Variants in TNFRSF17 observed in about 807,000 individuals in gnomAD.
TNFRSF17 encodes the protein tumor necrosis factor receptor superfamily member 17.
In TNFRSF17, 13 loss-of-function variants were observed where a neutral mutation model predicts 9.9. The ratio of observed to expected loss-of-function variants is 1.31; its 90% CI spans 0.85 to 2.08. The LOEUF (loss-of-function observed/expected upper bound fraction) is 2.08. Among genes scored for constraint, TNFRSF17 ranks in the 30% most tolerant of loss-of-function variants. The pLI is 0.00. For synonymous variants in TNFRSF17, 99 were observed against 83.7 expected (o/e 1.18, Z -1.00); for missense variants, 305 against 225.8 (o/e 1.35, Z -2.25).
intron 1 of TNFRSF17, 27 bp from the exon 2 acceptor site, chr16:11,966,168 T>C (rs962651332): frequency 1.0e-5 from 16 of 1,590,776 alleles, no homozygotes; most frequent in African/African-American, 1.3e-5. Context: ...ATCAGCTCAT[T>C]ATCTGTCTGA....
Position 11,967,277 on chromosome 16 carries a change from C to T in TNFRSF17, c.278-293C>T, listed in dbSNP as rs11570156. 5.8e-3 allele frequency: 1,948 copies of T among 334,452 alleles called. 47 individuals are homozygous for T. Among genetic ancestry groups the T allele is most frequent in the African/African-American group, 0.038 (1,799 of 47,238 alleles). 20.7% of individuals were successfully genotyped at this position (334,452 alleles called of 1,614,324 possible). A position where few individuals can be genotyped will look rare whatever the true frequency, so the allele number is the denominator to read the frequency against. Reference sequence around the variant, plus strand: ...TCAGCTTCCCAAAGTGCTGGGATTACAGGCGTGAGCCACAGGGCCCAGCAC... The same window carrying T: ...TCAGCTTCCCAAAGTGCTGGGATTATAGGCGTGAGCCACAGGGCCCAGCAC... On this transcript the variant is annotated intron_variant, in intron 2 of 2. Transcript: ENST00000053243.
intron 2 of TNFRSF17, among the ~76,000 whole-genome samples, 191 bp from the exon 3 acceptor site, chr16:11,967,379 G>A (rs951515192): frequency 6.6e-6 from 1 of 152,172 alleles, no homozygotes; most frequent in Non-Finnish European, 1.5e-5. Context: ...CGACTGCTCT[G>A]TAGGCTAACG....
chr16:11,966,166 A>G (rs11570144), intron 1 of TNFRSF17, 29 bp from the exon 2 acceptor site: 19,235 of 1,585,808 alleles, frequency 0.012, 162 homozygotes, highest in Non-Finnish European at 0.015. Flanking sequence ...TTATCAGCTC[A>G]TTATCTGTCT....
Position 11,965,357 on chromosome 16 carries a change from T to C in TNFRSF17, c.33T>C (p.Asn11=), listed in dbSNP as rs138231933. 62 of 1,614,248 alleles carry C rather than the reference T, an allele frequency of 3.8e-5. No homozygotes were observed. The African/African-American group carries it at 6.7e-4, about 17-fold the overall frequency. Residue 11 remains asparagine (N), a synonymous_variant, in exon 1 of 3, where the codon AAT becomes AAC. Transcript: ENST00000053243. The part of the protein sequence containing the change: MLQMAGQCSQ[N]EYFDSLLHAC... The stretch of plus-strand genomic sequence containing the variant: ...AGATGGCTGGGCAGTGCTCCCAAAA[T>C]GAATATTTTGACAGTTTGTTGCATG...
intron 2 of TNFRSF17, among the ~76,000 whole-genome samples, chr16:11,967,349 G>A (rs2055202560): frequency 6.6e-6 from 1 of 152,152 alleles, no homozygotes; most frequent in Non-Finnish European, 1.5e-5. Flanking sequence ...GCTGGGTGTG[G>A]TGGCATGGAG....
intron 2 of TNFRSF17, 59 bp from the exon 3 acceptor site, chr16:11,967,511 C>G: frequency 6.5e-7 from 1 of 1,542,994 alleles, no homozygotes; most frequent in Non-Finnish European, 8.8e-7. Context: ...ACTGCTAAGA[C>G]TCTCATGACC....
intron 2 of TNFRSF17, chr16:11,967,049 G>A (rs927509477): frequency 2.8e-5 from 6 of 210,830 alleles, no homozygotes; most frequent in African/African-American, 4.7e-5. Context: ...GGCCCAGGCT[G>A]GAGTGCAGTG....
At position 11,967,864 on chromosome 16, in the gene TNFRSF17, G is replaced by C. The variant is rs376885863; in HGVS notation, c.*17G>C. ...GCTAGGTAATTAACCATTTCGACTCGAGCAGTGCCACTTTAAAAATCTTTT... is the reference window on the plus strand; with the variant it reads ...GCTAGGTAATTAACCATTTCGACTCCAGCAGTGCCACTTTAAAAATCTTTT... On this transcript the variant is annotated 3_prime_UTR_variant, in exon 3 of 3. Coordinates refer to ENST00000053243, the MANE Select transcript of TNFRSF17 (RefSeq NM_001192.3). The C allele has an allele frequency of 2.6e-5, 42 of 1,606,814 alleles. No homozygotes were observed. In the Admixed American group the frequency reaches 6.6e-4, roughly 25 times the overall value.
At chr16:11,965,760 CT>C (rs1555510346) in intron 1 of TNFRSF17, among the ~76,000 whole-genome samples, 1 of 152,116 alleles carries the variant, frequency 6.6e-6, no homozygotes, top group Non-Finnish European at 1.5e-5. Flanking sequence ...ATAATCCATA[CT>C]TGATTATTTT....
Position 11,967,560 on chromosome 16 carries a change from A to G in TNFRSF17, c.278-10A>G, listed in dbSNP as rs776943525. 1.2e-5 allele frequency: 20 copies of G among 1,606,750 alleles called. No individual in the cohort carries two copies. The highest frequency in any genetic ancestry group is 1.7e-4 in the Middle Eastern group (1 of 6,036). On this transcript the variant is annotated splice_polypyrimidine_tract_variant and intron_variant, in intron 2 of 2. Transcript: ENST00000053243. ...AGTTTGGGTTAATGTTTCCGTTTCT[A>G]CATAATTAGGATCAGGTCTCCTGGG...
At chr16:11,966,900 G>C (rs2055198644) in intron 2 of TNFRSF17, 3 of 153,002 alleles carry the variant, frequency 2.0e-5, no homozygotes, top group Middle Eastern at 3.4e-3. Flanking sequence ...TGCCTCTTAA[G>C]ATAAAAATAC....
In TNFRSF17 at chr16:11,967,946, A is replaced by T. The variant is rs2055209077; in HGVS notation, c.*99A>T. On this transcript the variant is annotated 3_prime_UTR_variant, in exon 3 of 3. Coordinates refer to ENST00000053243, the MANE Select transcript of TNFRSF17 (RefSeq NM_001192.3). ...GGATGACTGTATTTTTCAGTTGCCG[A>T]TACAGCTTTTTGTCCTCTAACTGTG... The T allele has an allele frequency of 7.3e-7, 1 of 1,377,998 alleles. No individual in the cohort carries two copies. Among genetic ancestry groups the T allele is most frequent in the South Asian group, 1.4e-5 (1 of 70,346 alleles). The allele number at this position is 1,377,998 out of a possible 1,614,324, so 85.4% of individuals were successfully genotyped here.
chr16:11,967,954 T>G lies in TNFRSF17; in HGVS notation c.*107T>G. On this transcript the variant is annotated 3_prime_UTR_variant, in exon 3 of 3. Transcript: ENST00000053243. ...GTATTTTTCAGTTGCCGATACAGCT[T>G]TTTGTCCTCTAACTGTGGAAACTCT... is the stretch of plus-strand genomic sequence containing the variant. 7.8e-7 allele frequency: 1 copy of G among 1,275,722 alleles called. No homozygotes were observed. Among genetic ancestry groups the G allele is most frequent in the Non-Finnish European group, 1.1e-6 (1 of 933,108 alleles). 79.0% of individuals were successfully genotyped at this position (1,275,722 alleles called of 1,614,324 possible).
intron 2 of TNFRSF17, 146 bp from the exon 3 acceptor site, chr16:11,967,424 A>C: frequency 1.3e-6 from 1 of 789,940 alleles, no homozygotes; most frequent in Non-Finnish European, 2.0e-6. Context: ...GTTTGAATGC[A>C]GCCTGGGCAA....
At chr16:11,966,082 G>C in intron 1 of TNFRSF17, 113 bp from the exon 2 acceptor site, 1 of 1,160,248 alleles carries the variant, frequency 8.6e-7, no homozygotes, top group Non-Finnish European at 1.2e-6. Context: ...CTGCACTCTA[G>C]CCTGGGCAAC....
In TNFRSF17 at chr16:11,967,967, C is replaced by A; in HGVS notation, c.*120C>A. ...GCCGATACAGCTTTTTGTCCTCTAA[C>A]TGTGGAAACTCTTTATGTTAGATAT... On this transcript the variant is annotated 3_prime_UTR_variant, in exon 3 of 3. Transcript: ENST00000053243. 1 of 1,101,676 alleles carries A rather than the reference C, an allele frequency of 9.1e-7. No individual in the cohort carries two copies. Among genetic ancestry groups the A allele is most frequent in the Non-Finnish European group, 1.3e-6 (1 of 784,540 alleles). 68.2% of individuals were successfully genotyped at this position (1,101,676 alleles called of 1,614,324 possible).
rs1392711113 is a variant in TNFRSF17 at position 11,966,286 on chromosome 16, GT to G, written c.227del (p.Leu76CysfsTer2). The G allele has an allele frequency of 2.5e-6, 4 of 1,614,006 alleles. No homozygotes were observed. The African/African-American group carries it at 4.0e-5, about 16-fold the overall frequency. ...TTTCTTTGGCAGTTTTCGTGCTAAT[GT>G]TTTTGCTAAGGAAGATAAACTCTGA... ...IISLAVFVLM[F>X]LLRKINSEPL... On this transcript the variant is annotated frameshift_variant, in exon 2 of 3. Coordinates refer to ENST00000053243, the MANE Select transcript of TNFRSF17 (RefSeq NM_001192.3). LOFTEE classifies it high-confidence loss of function.
At chr16:11,965,879 G>A (rs3862446) in intron 1 of TNFRSF17, among the ~76,000 whole-genome samples, 52,176 of 152,004 alleles carry the variant, frequency 0.34, 9,362 homozygotes, top group East Asian at 0.59. Context: ...GGAGGCCGAG[G>A]TGGGTGAATC....
intron 2 of TNFRSF17, 59 bp downstream of exon 2, chr16:11,966,400 A>C (rs2055194449): frequency 6.5e-7 from 1 of 1,542,774 alleles, no homozygotes; most frequent in Non-Finnish European, 8.8e-7. Context: ...TGTGAGTTTC[A>C]GTTCCTTTTC....
Sources: allele counts gnomAD v4.1 joint callset (sites outside exome capture counted in the v4.1 genomes callset), GRCh38; gene constraint gnomAD v4.1.1; transcripts MANE v1.5; gene names NCBI Gene and HGNC (gene_info 2026-07-23, HGNC 2026-07-21).